The following ZRANB3 variants were observed in gnomAD, a reference collection of about 807,000 sequenced individuals.
The protein encoded by ZRANB3 is DNA annealing helicase and endonuclease ZRANB3.
ZRANB3 carries 125 observed loss-of-function variants against 133.8 expected under a neutral mutation model. The ratio of observed to expected loss-of-function variants is 0.93; its 90% confidence interval spans 0.81 to 1.08. The LOEUF (loss-of-function observed/expected upper bound fraction) is 1.08, where lower values mean the gene tolerates loss of function less well. Ranked by LOEUF, ZRANB3 falls within the 50% of genes least tolerant of loss-of-function variation. ZRANB3 has a pLI of 0.00. For missense variants in ZRANB3, 1,229 were observed against 1,275.5 expected, an observed-to-expected ratio of 0.96 and a Z score of 0.56; for synonymous variants, 387 against 432.7, an observed-to-expected ratio of 0.89 and a Z score of 1.31.
At chr2:135,460,212 G>A (rs954136063) in intron 2 of ZRANB3, among the ~76,000 whole-genome samples, 4 of 151,616 alleles carry the variant, frequency 2.6e-5, no homozygotes, top group Non-Finnish European at 1.5e-5. Flanking sequence ...GTGACTTTTA[G>A]TTTAATTTTT....
At chr2:135,460,114 AT>A (rs1455307323) in intron 2 of ZRANB3, among the ~76,000 whole-genome samples, 3 of 152,066 alleles carry the variant, frequency 2.0e-5, no homozygotes, top group African/African-American at 7.2e-5. Context: ...GATGTGCGAA[AT>A]TTTTAAATGT....
At chr2:135,309,089 T>C (rs1205557218) in intron 8 of ZRANB3, among the ~76,000 whole-genome samples, 1 of 151,660 alleles carries the variant, frequency 6.6e-6, no homozygotes, top group Non-Finnish European at 1.5e-5. Context: ...CACGCCATTC[T>C]CCTGCCTCAG....
chr2:135,244,928 A>G (rs1383544416), intron 12 of ZRANB3, among the ~76,000 whole-genome samples: 1 of 152,228 alleles, frequency 6.6e-6, no homozygotes, highest in Admixed American at 6.5e-5. Flanking sequence ...GGGAGTAATC[A>G]GCATAGGTGA....
At chr2:135,441,941 T>C (rs1689798146) in intron 2 of ZRANB3, among the ~76,000 whole-genome samples, 1 of 152,222 alleles carries the variant, frequency 6.6e-6, no homozygotes, top group African/African-American at 2.4e-5. Flanking sequence ...TGAAGGAACA[T>C]AAGACAAATC....
chr2:135,491,510 A>G (rs1692374060), intron 2 of ZRANB3, among the ~76,000 whole-genome samples: 1 of 150,872 alleles, frequency 6.6e-6, no homozygotes, highest in Non-Finnish European at 1.5e-5. Flanking sequence ...ATGCCTGGCT[A>G]ATTTTTTGTA....
At chr2:135,220,080 C>T (rs1334543792) in intron 15 of ZRANB3, among the ~76,000 whole-genome samples, 2 of 151,722 alleles carry the variant, frequency 1.3e-5, no homozygotes, top group Admixed American at 1.3e-4. Context: ...AACATGTTGC[C>T]CAGGCTGGTC....
intron 11 of ZRANB3, among the ~76,000 whole-genome samples, chr2:135,268,572 T>G (rs1680358996): frequency 2.0e-5 from 3 of 152,236 alleles, no homozygotes; most frequent in African/African-American, 7.2e-5. Context: ...CTACATTTTC[T>G]AGAGTCTGGG....
intron 2 of ZRANB3, among the ~76,000 whole-genome samples, chr2:135,406,795 T>C (rs1201348167): frequency 6.6e-6 from 1 of 152,098 alleles, no homozygotes; most frequent in Non-Finnish European, 1.5e-5. Flanking sequence ...ACACTCTCAA[T>C]AAATTAGGTA....
chr2:135,366,968 CAG>C (rs1685967502), intron 3 of ZRANB3, among the ~76,000 whole-genome samples: 1 of 152,076 alleles, frequency 6.6e-6, no homozygotes, highest in Admixed American at 6.6e-5. Context: ...TTGCAGTGAG[CAG>C]AGATCATGCC....
At chr2:135,400,522 G>A (rs767834713) in intron 2 of ZRANB3, among the ~76,000 whole-genome samples, 97 of 152,040 alleles carry the variant, frequency 6.4e-4, no homozygotes, top group Non-Finnish European at 1.1e-3. Context: ...GGCCAGGCTG[G>A]TCTCGAACTC....
chr2:135,395,204 A>G (rs1314309245), intron 2 of ZRANB3, among the ~76,000 whole-genome samples: 1 of 152,122 alleles, frequency 6.6e-6, no homozygotes, highest in African/African-American at 2.4e-5. Flanking sequence ...ATACATCTAC[A>G]GTGAACTCAT....
intron 3 of ZRANB3, among the ~76,000 whole-genome samples, chr2:135,390,055 T>C (rs573082114): frequency 1.4e-3 from 215 of 151,822 alleles, no homozygotes; most frequent in African/African-American, 4.9e-3. Flanking sequence ...TAAATTTTTA[T>C]ATTTTAATAG....
intron 1 of ZRANB3, among the ~76,000 whole-genome samples, chr2:135,527,826 T>C (rs560829180): frequency 6.6e-6 from 1 of 152,342 alleles, no homozygotes; most frequent in African/African-American, 2.4e-5. Flanking sequence ...AAGACAGAGA[T>C]ATGTGTAAAC....
intron 9 of ZRANB3, among the ~76,000 whole-genome samples, chr2:135,274,129 A>G (rs948792721): frequency 6.6e-6 from 1 of 152,254 alleles, no homozygotes; most frequent in Non-Finnish European, 1.5e-5. Flanking sequence ...AGGAAACACT[A>G]GAAGTATGTC....
rs58455313 is a variant in ZRANB3 at position 135,318,212 on chromosome 2, T to TTGTGTGTGTG, written c.678-2692_678-2683dup. On this transcript the variant is annotated intron_variant, in intron 6 of 20. Coordinates refer to ENST00000264159, the MANE Select transcript of ZRANB3 (RefSeq NM_032143.4). ...TTTCCTATGCTATTTACACACTATT[T>TTGTGTGTGTG]TGTGTGTGTGTGTGTGTGTGTGTGT... Among the ~76,000 whole-genome samples the TTGTGTGTGTG allele has an allele frequency of 3.2e-3, 438 of 136,944 alleles. 3 individuals carry two copies. Among genetic ancestry groups the TTGTGTGTGTG allele is most frequent in the East Asian group, 9.9e-3 (46 of 4,670 alleles). 89.8% of individuals were successfully genotyped at this position (136,944 alleles called of 152,430 possible).
rs962975728 is a variant in ZRANB3 at position 135,308,953 on chromosome 2, T to C, written c.966+4536A>G. Among the ~76,000 whole-genome samples, 23 of 151,632 alleles carry C rather than the reference T, an allele frequency of 1.5e-4. 1 individual carries two copies. The highest frequency in any genetic ancestry group is 1.9e-4 in the Non-Finnish European group (13 of 67,952). The stretch of plus-strand genomic sequence containing the variant: ...GGAAGTTTCCTCTACATAAGAAAAG[T>C]CATCTAAAAAAACTTAGTAATAACA... On this transcript the variant is annotated intron_variant, in intron 8 of 20. Coordinates refer to ENST00000264159, the MANE Select transcript of ZRANB3 (RefSeq NM_032143.4).
intron 8 of ZRANB3, among the ~76,000 whole-genome samples, chr2:135,309,662 G>T (rs1682879502): frequency 6.6e-6 from 1 of 152,004 alleles, no homozygotes; most frequent in South Asian, 2.1e-4. Flanking sequence ...AAATACCTAT[G>T]GATAAATCTA....
chr2:135,359,218 AAG>A (rs1191597026), intron 3 of ZRANB3, among the ~76,000 whole-genome samples: 2 of 152,144 alleles, frequency 1.3e-5, no homozygotes, highest in African/African-American at 4.8e-5. Flanking sequence ...ATTTTTATAA[AAG>A]AGTTTCCTTG....
At chr2:135,369,406 G>C (rs1686072516) in intron 3 of ZRANB3, among the ~76,000 whole-genome samples, 1 of 152,104 alleles carries the variant, frequency 6.6e-6, no homozygotes, top group Admixed American at 6.6e-5. Flanking sequence ...AGCAGTATGA[G>C]AAGATTAGAA....
Sources: allele counts gnomAD v4.1 joint callset (sites outside exome capture counted in the v4.1 genomes callset), GRCh38; gene constraint gnomAD v4.1.1; transcripts MANE v1.5; gene names NCBI Gene and HGNC (gene_info 2026-07-23, HGNC 2026-07-21).